Variants in HDAC9 observed in about 807,000 individuals in gnomAD.
The protein encoded by HDAC9 is histone deacetylase 9, also known as MEF-2 interacting transcription repressor (MITR) protein.
A neutral mutation model predicts 139.4 loss-of-function variants in HDAC9; 41 were observed. That is an observed-to-expected ratio of 0.29 (90% CI 0.23 to 0.38). The LOEUF is 0.38. Ranked by LOEUF, HDAC9 falls within the 10% of genes least tolerant of loss-of-function variation. The pLI, the probability that HDAC9 is intolerant of heterozygous loss-of-function variation, is 1.00. For missense variants in HDAC9, 1,147 were observed against 1,297.0 expected, an observed-to-expected ratio of 0.88 and a Z score of 1.78; for synonymous variants, 517 against 476.2, an observed-to-expected ratio of 1.09 and a Z score of -1.12.
intron 1 of HDAC9, among the ~76,000 whole-genome samples, chr7:18,360,339 T>C (rs1333674990): frequency 1.3e-5 from 2 of 152,236 alleles, no homozygotes; most frequent in African/African-American, 4.8e-5. Context: ...ACTCCTTCAG[T>C]CATTTAGACC....
intron 1 of HDAC9, among the ~76,000 whole-genome samples, chr7:18,443,867 T>C (rs1057414561): frequency 5.9e-5 from 9 of 151,636 alleles, no homozygotes; most frequent in Non-Finnish European, 1.3e-4. Flanking sequence ...TGTATAAACA[T>C]ATATACATTT....
At chr7:18,819,004 G>C (rs1585094252) in intron 17 of HDAC9, among the ~76,000 whole-genome samples, 2 of 152,272 alleles carry the variant, frequency 1.3e-5, no homozygotes, top group Non-Finnish European at 2.9e-5. Context: ...GTCTAGCCAG[G>C]TACAGTGGCT....
At position 18,507,514 on chromosome 7, in the gene HDAC9, G is replaced by A. The variant is rs1168869445; in HGVS notation, c.22+11190G>A. Among the ~76,000 whole-genome samples, 3 of 150,468 alleles carry A rather than the reference G, an allele frequency of 2.0e-5. No individual in the cohort carries two copies. In the East Asian group the frequency reaches 6.0e-4, roughly 30 times the overall value. ...GGCTATTATTATTATTATTTTTTGA[G>A]ATGAGGTTTTGCTCTTGTTGCCCAG... On this transcript the variant is annotated intron_variant, in intron 2 of 25. Transcript: ENST00000686413.
At chr7:18,361,222 G>A (rs1240814607) in intron 1 of HDAC9, among the ~76,000 whole-genome samples, 1 of 152,066 alleles carries the variant, frequency 6.6e-6, no homozygotes, top group African/African-American at 2.4e-5. Flanking sequence ...ATCAAACCTA[G>A]CAAGGAGAAA....
chr7:18,822,275 A>G (rs1169653884), intron 17 of HDAC9, among the ~76,000 whole-genome samples: 1 of 152,140 alleles, frequency 6.6e-6, no homozygotes, highest in African/African-American at 2.4e-5. Flanking sequence ...GCCCCCAGTC[A>G]TCTCATTAAC....
At chr7:18,252,648 T>G (rs189258987) in intron 2 of HDAC9, among the ~76,000 whole-genome samples, 5 of 152,282 alleles carry the variant, frequency 3.3e-5, no homozygotes, top group Admixed American at 2.6e-4. Context: ...CCAAAGCACA[T>G]TCATAAAAGC....
intron 1 of HDAC9, among the ~76,000 whole-genome samples, chr7:18,462,083 C>T (rs898466721): frequency 6.6e-6 from 1 of 151,136 alleles, no homozygotes; most frequent in African/African-American, 2.5e-5. Context: ...AGTTATAAAA[C>T]TCAGAGTTTA....
chr7:18,773,140 G>A (rs1790458595), intron 16 of HDAC9, among the ~76,000 whole-genome samples: 1 of 151,948 alleles, frequency 6.6e-6, no homozygotes, highest in African/African-American at 2.4e-5. Flanking sequence ...TCTCATCTGT[G>A]ATTAAATTCT....
chr7:18,827,185 T>C (rs1795512971), intron 17 of HDAC9, among the ~76,000 whole-genome samples: 1 of 152,020 alleles, frequency 6.6e-6, no homozygotes, highest in African/African-American at 2.4e-5. Context: ...TTATTAATAC[T>C]AACACTTCAA....
chr7:18,650,578 T>C (rs1003811727), intron 11 of HDAC9, among the ~76,000 whole-genome samples: 1 of 152,174 alleles, frequency 6.6e-6, no homozygotes, highest in Non-Finnish European at 1.5e-5. Flanking sequence ...AGGCGAATGC[T>C]AACCTCAGTC....
chr7:18,115,616 A>G (rs1399748827), intron 1 of HDAC9, among the ~76,000 whole-genome samples: 1 of 152,174 alleles, frequency 6.6e-6, no homozygotes, highest in Non-Finnish European at 1.5e-5. Flanking sequence ...GAGGAATTTG[A>G]TGTTCAAATC....
At chr7:18,826,642 T>C (rs1795459840) in intron 17 of HDAC9, among the ~76,000 whole-genome samples, 1 of 143,982 alleles carries the variant, frequency 6.9e-6, no homozygotes, top group East Asian at 2.0e-4. Flanking sequence ...AAGAGAGAAT[T>C]CAAGTCTTTT....
intron 2 of HDAC9, among the ~76,000 whole-genome samples, chr7:18,196,630 C>T (rs1287679278): frequency 3.3e-5 from 5 of 151,962 alleles, no homozygotes; most frequent in Non-Finnish European, 5.9e-5. Flanking sequence ...AAAAAGAATT[C>T]GATCTATTCA....
At chr7:18,234,189 A>G (rs1402553434) in intron 2 of HDAC9, among the ~76,000 whole-genome samples, 2 of 152,224 alleles carry the variant, frequency 1.3e-5, no homozygotes, top group Non-Finnish European at 2.9e-5. Flanking sequence ...AGTGCTGGTA[A>G]TTAAGCCTGT....
At chr7:18,729,677 GTT>G (rs35242513) in intron 13 of HDAC9, among the ~76,000 whole-genome samples, 1 of 151,798 alleles carries the variant, frequency 6.6e-6, no homozygotes, top group South Asian at 2.1e-4. Flanking sequence ...AGAGAGTTAG[GTT>G]TTTTTCCCCC....
intron 6 of HDAC9, among the ~76,000 whole-genome samples, chr7:18,606,987 T>C (rs1442255348): frequency 6.6e-6 from 1 of 152,176 alleles, no homozygotes; most frequent in Non-Finnish European, 1.5e-5. Context: ...CTAAGATTCC[T>C]CATGATAAAG....
At chr7:18,512,414 T>C (rs1801800433) in intron 2 of HDAC9, among the ~76,000 whole-genome samples, 1 of 152,172 alleles carries the variant, frequency 6.6e-6, no homozygotes, top group South Asian at 2.1e-4. Flanking sequence ...AGTGCTAGCA[T>C]TTACATGGCA....
At chr7:18,950,867 G>A (rs775683827) in intron 23 of HDAC9, among the ~76,000 whole-genome samples, 24 of 151,956 alleles carry the variant, frequency 1.6e-4, no homozygotes, top group South Asian at 6.2e-4. Flanking sequence ...TTTGGGAAAC[G>A]TCAACACATA....
Position 18,428,411 on chromosome 7 carries a change from A to G in HDAC9, c.-41-67851A>G, listed in dbSNP as rs543182615. Among the ~76,000 whole-genome samples the G allele has an allele frequency of 3.5e-4, 53 of 152,338 alleles. 1 individual carries two copies. In the South Asian group the frequency reaches 0.01, roughly 29 times the overall value. Reference sequence around the variant, plus strand: ...TAAATGGTTAATTTCCAAAATTACAATGCAACAGTAAGAAAATTAATAATC... The same window carrying G: ...TAAATGGTTAATTTCCAAAATTACAGTGCAACAGTAAGAAAATTAATAATC... On this transcript the variant is annotated intron_variant, in intron 1 of 3. Coordinates refer to the HDAC9 transcript ENST00000413509.
Sources: allele counts gnomAD v4.1 joint callset (sites outside exome capture counted in the v4.1 genomes callset), GRCh38; gene constraint gnomAD v4.1.1; transcripts MANE v1.5; gene names NCBI Gene and HGNC (gene_info 2026-07-23, HGNC 2026-07-21).